PPHLN1: variants seen among roughly 807,000 people sequenced by gnomAD.
The protein encoded by PPHLN1 is periphilin 1.
A neutral mutation model predicts 51.3 loss-of-function variants in PPHLN1; 29 were observed. The observed-to-expected ratio is 0.57, with a 90% confidence interval of 0.42 to 0.77. The LOEUF (loss-of-function observed/expected upper bound fraction) is 0.77, where lower values mean the gene tolerates loss of function less well. Ranked by LOEUF, PPHLN1 falls within the 30% of genes least tolerant of loss-of-function variation. The pLI is 0.00. For synonymous variants in PPHLN1, 147 were observed against 147.8 expected (o/e 0.99, Z 0.04); for missense variants, 436 against 438.4 (o/e 0.99, Z 0.05).
chr12:42,360,785 G>A (rs750742807), intron 4 of PPHLN1, among the ~76,000 whole-genome samples: 31 of 152,040 alleles, frequency 2.0e-4, no homozygotes, highest in African/African-American at 2.9e-4. Flanking sequence ...GAGCCACCGC[G>A]CCCAGCCGCC....
intron 1 of PPHLN1, among the ~76,000 whole-genome samples, chr12:42,326,488 G>A (rs2068794008): frequency 6.6e-6 from 1 of 152,188 alleles, no homozygotes; most frequent in South Asian, 2.1e-4. Flanking sequence ...TAACTTCAGT[G>A]ACCCGAGAGG....
chr12:42,436,159 C>G (rs1400359103), intron 9 of PPHLN1, among the ~76,000 whole-genome samples: 1 of 152,150 alleles, frequency 6.6e-6, no homozygotes, highest in East Asian at 1.9e-4. Flanking sequence ...TGACTGTGTC[C>G]TTATTTTATA....
intron 9 of PPHLN1, among the ~76,000 whole-genome samples, chr12:42,436,926 C>G (rs74078977): frequency 0.028 from 4,332 of 152,264 alleles, 225 homozygotes; most frequent in African/African-American, 0.099. Context: ...TAACTGAAAT[C>G]TCAGATAAAG....
intron 9 of PPHLN1, among the ~76,000 whole-genome samples, chr12:42,421,548 G>A (rs1328961405): frequency 1.3e-4 from 20 of 152,098 alleles, no homozygotes; most frequent in East Asian, 1.9e-4. Flanking sequence ...GGGTTTCACC[G>A]TGTTGTTCAG....
chr12:42,367,997 G>C (rs536259385), intron 4 of PPHLN1, among the ~76,000 whole-genome samples: 69 of 152,258 alleles, frequency 4.5e-4, no homozygotes, highest in African/African-American at 1.5e-3. Context: ...TCGGCCTCCC[G>C]AAGTGGTAGG....
At chr12:42,358,082 G>A (rs899841179) in intron 4 of PPHLN1, among the ~76,000 whole-genome samples, 36 of 152,064 alleles carry the variant, frequency 2.4e-4, no homozygotes, top group African/African-American at 8.5e-4. Flanking sequence ...TGGCTGAATC[G>A]TATGCCATTG....
chr12:42,359,850 G>A (rs1238367215), intron 4 of PPHLN1, among the ~76,000 whole-genome samples: 2 of 152,152 alleles, frequency 1.3e-5, no homozygotes, highest in Admixed American at 1.3e-4. Context: ...GCTCACGCCT[G>A]TAATCCCAAC....
intron 9 of PPHLN1, among the ~76,000 whole-genome samples, chr12:42,429,560 C>T (rs2081841722): frequency 6.6e-6 from 1 of 152,210 alleles, no homozygotes; most frequent in Non-Finnish European, 1.5e-5. Context: ...ATAATTACAA[C>T]ACTTTATATT....
At chr12:42,442,865 T>C, downstream of PPHLN1, 2 of 1,442,090 alleles carry the variant, frequency 1.4e-6, no homozygotes, top group Non-Finnish European at 1.9e-6. Context: ...AACAACTGCT[T>C]AAAGCTAGCA....
intron 9 of PPHLN1, among the ~76,000 whole-genome samples, chr12:42,417,535 A>G (rs2080502849): frequency 6.6e-6 from 1 of 152,194 alleles, no homozygotes; most frequent in Non-Finnish European, 1.5e-5. Flanking sequence ...CTAAGGAGTT[A>G]ATAGTGGATC....
intron 9 of PPHLN1, among the ~76,000 whole-genome samples, chr12:42,418,931 G>C (rs2080726827): frequency 6.6e-6 from 1 of 151,904 alleles, no homozygotes; most frequent in African/African-American, 2.4e-5. Context: ...AGTATTAAGT[G>C]CTTTATTACA....
At chr12:42,336,694 G>T (rs893328176) in intron 2 of PPHLN1, among the ~76,000 whole-genome samples, 1 of 152,218 alleles carries the variant, frequency 6.6e-6, no homozygotes, top group African/African-American at 2.4e-5. Flanking sequence ...GTGAATATGT[G>T]TACTGACTCC....
chr12:42,418,211 CTTTTT>C (rs60029170), intron 9 of PPHLN1, among the ~76,000 whole-genome samples: 1,519 of 98,356 alleles, frequency 0.015, 41 homozygotes, highest in African/African-American at 0.059. Flanking sequence ...TCCCGGCCCT[CTTTTT>C]TTTTTTTTTT....
At chr12:42,411,398 T>C (rs1565971022) in intron 9 of PPHLN1, among the ~76,000 whole-genome samples, 1 of 98,150 alleles carries the variant, frequency 1.0e-5, no homozygotes, top group Non-Finnish European at 2.6e-5. Context: ...AGACTGTCAT[T>C]ACAGCAGTTA....
chr12:42,394,606 C>A (rs1189423787), intron 8 of PPHLN1, among the ~76,000 whole-genome samples: 1 of 151,986 alleles, frequency 6.6e-6, no homozygotes, highest in Admixed American at 6.6e-5. Context: ...GCAAATAGAG[C>A]CTTTCTTTTT....
chr12:42,329,854 C>T (rs2069426163), intron 1 of PPHLN1: 1 of 152,110 alleles, frequency 6.6e-6, no homozygotes, highest in African/African-American at 2.4e-5. Context: ...AGAAATAAGA[C>T]ACAGAGACAA....
intron 1 of PPHLN1, among the ~76,000 whole-genome samples, chr12:42,329,102 T>G (rs1051530370): frequency 8.3e-5 from 12 of 144,000 alleles, no homozygotes; most frequent in African/African-American, 2.9e-4. Context: ...CAATTTTTTT[T>G]TTTTTTTGTG....
At chr12:42,429,568 A>G (rs1294000397) in intron 9 of PPHLN1, among the ~76,000 whole-genome samples, 3 of 152,096 alleles carry the variant, frequency 2.0e-5, no homozygotes, top group African/African-American at 7.2e-5. Context: ...AACACTTTAT[A>G]TTTATTTTAT....
intron 8 of PPHLN1, among the ~76,000 whole-genome samples, chr12:42,397,815 C>T (rs999639009): frequency 7.9e-5 from 12 of 152,078 alleles, no homozygotes; most frequent in African/African-American, 2.9e-4. Context: ...GATTTTGGCT[C>T]ACTGCAACCT....
Sources: allele counts gnomAD v4.1 joint callset (sites outside exome capture counted in the v4.1 genomes callset), GRCh38; gene constraint gnomAD v4.1.1; transcripts MANE v1.5; gene names NCBI Gene and HGNC (gene_info 2026-07-23, HGNC 2026-07-21).